TRHDE: variants seen among roughly 807,000 people sequenced by gnomAD.
TRHDE encodes thyrotropin-releasing hormone-degrading ectoenzyme.
In TRHDE, 72 loss-of-function variants were observed where a neutral mutation model predicts 125.7. That is an observed-to-expected ratio of 0.57 (90% CI 0.47 to 0.70). TRHDE has a LOEUF of 0.70. TRHDE is among the 30% of genes least tolerant of loss of function. The pLI, the probability that TRHDE is intolerant of heterozygous loss-of-function variation, is 0.00. For synonymous variants in TRHDE, 509 were observed against 509.1 expected, an observed-to-expected ratio of 1.00 and a Z score of 0.00; for missense variants, 1,110 against 1,327.1, an observed-to-expected ratio of 0.84 and a Z score of 2.54.
intron 10 of TRHDE, among the ~76,000 whole-genome samples, chr12:72,573,169 A>G (rs57810138): frequency 6.6e-6 from 1 of 151,716 alleles, no homozygotes; most frequent in Non-Finnish European, 1.5e-5. Flanking sequence ...AAGAAACAAC[A>G]TTCTCAATAT....
intron 6 of TRHDE, among the ~76,000 whole-genome samples, chr12:72,523,375 A>G (rs1868281366): frequency 6.6e-6 from 1 of 152,164 alleles, no homozygotes. Flanking sequence ...GAAGAAAGCT[A>G]GAAGTAGAAA....
chr12:72,171,836 A>G (rs1876881544), intron 2 of TRHDE, among the ~76,000 whole-genome samples: 1 of 152,186 alleles, frequency 6.6e-6, no homozygotes, highest in African/African-American at 2.4e-5. Context: ...TCACCTGTCC[A>G]TGCCTGAAGA....
At chr12:72,348,983 T>C (rs977531421) in intron 2 of TRHDE, among the ~76,000 whole-genome samples, 1 of 152,048 alleles carries the variant, frequency 6.6e-6, no homozygotes, top group Non-Finnish European at 1.5e-5. Context: ...TAATGGATTT[T>C]GCTTTTTCAA....
At position 72,512,534 on chromosome 12, in the gene TRHDE, TTA is replaced by T. The variant is rs1053056142; in HGVS notation, c.1722+12907_1722+12908del. Among the ~76,000 whole-genome samples, 49 of 137,572 alleles carry T rather than the reference TTA, an allele frequency of 3.6e-4. 2 individuals are homozygous for T. In the South Asian group the frequency reaches 5.6e-3, roughly 16 times the overall value. 90.3% of individuals were successfully genotyped at this position (137,572 alleles called of 152,430 possible). On this transcript the variant is annotated intron_variant, in intron 6 of 18. Coordinates refer to ENST00000261180, the MANE Select transcript of TRHDE (RefSeq NM_013381.3). ...ATTATATTATATATAATATATATGA[TTA>T]TATATATTCATATATAATCATATAT...
chr12:72,099,323 T>A (rs530487986), intron 1 of TRHDE, among the ~76,000 whole-genome samples: 134 of 152,316 alleles, frequency 8.8e-4, no homozygotes, highest in African/African-American at 3.1e-3. Flanking sequence ...TAGCCCTCCA[T>A]CATTTCTATG....
At chr12:72,653,264 T>C (rs1049197549) in intron 17 of TRHDE, 108 bp downstream of exon 17, 2 of 804,514 alleles carry the variant, frequency 2.5e-6, no homozygotes, top group Non-Finnish European at 3.5e-6. Context: ...GTTTAGATAT[T>C]AAAATATTCA....
intron 2 of TRHDE, among the ~76,000 whole-genome samples, chr12:72,337,316 G>C (rs1288552836): frequency 6.6e-6 from 1 of 152,160 alleles, no homozygotes; most frequent in African/African-American, 2.4e-5. Flanking sequence ...AGATAGTCAT[G>C]CTCCTCATGC....
At chr12:72,215,209 G>A (rs1309540039) in intron 2 of TRHDE, among the ~76,000 whole-genome samples, 53 of 150,740 alleles carry the variant, frequency 3.5e-4, no homozygotes, top group African/African-American at 1.2e-3. Context: ...AGTGGGGGTC[G>A]CAAGGTGCTC....
intron 2 of TRHDE, among the ~76,000 whole-genome samples, chr12:72,114,288 T>C (rs902811841): frequency 5.3e-5 from 8 of 152,124 alleles, no homozygotes; most frequent in African/African-American, 1.9e-4. Flanking sequence ...GTGTTAGATG[T>C]GTCCACCCCT....
At chr12:72,511,152 A>C (rs1878565985) in intron 6 of TRHDE, among the ~76,000 whole-genome samples, 1 of 152,302 alleles carries the variant, frequency 6.6e-6, no homozygotes, top group African/African-American at 2.4e-5. Context: ...TAGAAATAAA[A>C]TTTAAAATGT....
intron 3 of TRHDE, among the ~76,000 whole-genome samples, chr12:72,430,392 TACAC>T (rs778464473): frequency 7.0e-6 from 1 of 142,698 alleles, no homozygotes; most frequent in Admixed American, 7.3e-5. Flanking sequence ...TGTATATATA[TACAC>T]ACACGTATAT....
Position 72,519,661 on chromosome 12 carries a change from G to T in TRHDE, c.1722+20026G>T, listed in dbSNP as rs999236518. On this transcript the variant is annotated intron_variant, in intron 6 of 18. Coordinates refer to ENST00000261180, the MANE Select transcript of TRHDE (RefSeq NM_013381.3). ...TCTCAGCTCGTCAAAGTCATTCTCC[G>T]TCCAGCTTTATTCCATTGCTGGTGA... 3.1e-4 allele frequency among the ~76,000 whole-genome samples: 47 copies of T among 152,282 alleles called. 1 individual carries two copies.
At chr12:72,525,156 T>C (rs976523843) in intron 6 of TRHDE, among the ~76,000 whole-genome samples, 16 of 152,160 alleles carry the variant, frequency 1.1e-4, no homozygotes, top group Admixed American at 1.0e-3. Context: ...CAAATTACCC[T>C]GTGAACAAAA....
chr12:72,499,428 G>A (rs1878053008), intron 5 of TRHDE, 70 bp from the exon 6 acceptor site: 2 of 1,545,068 alleles, frequency 1.3e-6, no homozygotes, highest in Non-Finnish European at 1.8e-6. Context: ...CACACATTAT[G>A]TTCATGTCAT....
At chr12:72,136,102 G>C (rs1875979573) in intron 2 of TRHDE, among the ~76,000 whole-genome samples, 1 of 152,136 alleles carries the variant, frequency 6.6e-6, no homozygotes, top group Admixed American at 6.5e-5. Flanking sequence ...TAAAATTTCT[G>C]AACTGTGGCT....
intron 13 of TRHDE, among the ~76,000 whole-genome samples, chr12:72,620,786 C>T (rs186337749): frequency 5.3e-5 from 8 of 152,062 alleles, no homozygotes; most frequent in African/African-American, 7.2e-5. Context: ...TACATATGTA[C>T]GCATAGGTGT....
chr12:72,094,362 G>T lies in TRHDE; in HGVS notation n.174+6923G>T, dbSNP rs988502938. On this transcript the variant is annotated intron_variant and non_coding_transcript_variant, in intron 1 of 4. Coordinates refer to the TRHDE transcript ENST00000548156. ...GGGCTGAGTAAGGGGCCATAGCCAA[G>T]GCTGGGGTCTGCAGGCCTGCCTCTG... is the stretch of plus-strand genomic sequence containing the variant. Among the ~76,000 whole-genome samples, 3 of 151,776 alleles carry T rather than the reference G, an allele frequency of 2.0e-5. No individual in the cohort carries two copies. In the East Asian group the frequency reaches 5.8e-4, roughly 29 times the overall value.
chr12:72,298,033 A>C lies in TRHDE; in HGVS notation c.1188+11079A>C, dbSNP rs78787537. Among the ~76,000 whole-genome samples the C allele has an allele frequency of 3.8e-3, 577 of 152,300 alleles. 11 individuals are homozygous for C. The East Asian group carries it at 0.043, about 11-fold the overall frequency. ...ATCGCCTTGTGACTGGCTTTGGCTT[A>C]TGGTGGATTCAGTGATGAACAATAA... On this transcript the variant is annotated intron_variant, in intron 2 of 18. Coordinates refer to ENST00000261180, the MANE Select transcript of TRHDE (RefSeq NM_013381.3).
chr12:72,528,499 A>G (rs762785725), intron 6 of TRHDE, among the ~76,000 whole-genome samples: 5 of 152,152 alleles, frequency 3.3e-5, no homozygotes, highest in Non-Finnish European at 7.4e-5. Flanking sequence ...GATTTTTTAC[A>G]AACAAATAGT....
Sources: allele counts gnomAD v4.1 joint callset (sites outside exome capture counted in the v4.1 genomes callset), GRCh38; gene constraint gnomAD v4.1.1; transcripts MANE v1.5; gene names NCBI Gene and HGNC (gene_info 2026-07-23, HGNC 2026-07-21).